CHN2: variants seen among roughly 807,000 people sequenced by gnomAD.
CHN2 encodes beta-chimaerin.
In CHN2, 35 loss-of-function variants were observed where a neutral mutation model predicts 56.3. That is an observed-to-expected ratio of 0.62 (90% CI 0.47 to 0.82). The LOEUF is 0.82. CHN2 is among the 40% of genes least tolerant of loss of function. The probability of loss-of-function intolerance (pLI) is 0.00; values close to 1 mark genes in which losing one functional copy is unlikely to be tolerated. For synonymous variants in CHN2, 210 were observed against 212.8 expected (o/e 0.99, Z 0.12); for missense variants, 491 against 580.5 (o/e 0.85, Z 1.58).
Position 29,298,917 on chromosome 7 carries a change from C to G in CHN2, c.50-55708C>G, listed in dbSNP as rs538823211. ...AGGACTAAGTTGTTTGCAAAATAGA[C>G]TTTAGTTTTATACTGGGCCTGATTA... On this transcript the variant is annotated intron_variant, in intron 1 of 12. Coordinates refer to ENST00000222792, the MANE Select transcript of CHN2 (RefSeq NM_004067.4). Among the ~76,000 whole-genome samples the G allele has an allele frequency of 3.7e-4, 57 of 152,214 alleles. 1 individual carries two copies. Among genetic ancestry groups the G allele is most frequent in the Non-Finnish European group, 6.3e-4 (43 of 68,012 alleles).
At chr7:29,351,629 T>C (rs1364182549) in intron 1 of CHN2, among the ~76,000 whole-genome samples, 3 of 152,086 alleles carry the variant, frequency 2.0e-5, no homozygotes, top group African/African-American at 7.2e-5. Flanking sequence ...CATGCAGCGA[T>C]CTATTGGAGG....
intron 1 of CHN2, among the ~76,000 whole-genome samples, chr7:29,327,334 G>GTTTT (rs1795886497): frequency 6.6e-6 from 1 of 152,186 alleles, no homozygotes; most frequent in Admixed American, 6.5e-5. Flanking sequence ...ATAAGGCTCA[G>GTTTT]GAGTTTGTGT....
chr7:29,328,775 C>A (rs1405040033), intron 1 of CHN2, among the ~76,000 whole-genome samples: 1 of 151,942 alleles, frequency 6.6e-6, no homozygotes, highest in Non-Finnish European at 1.5e-5. Flanking sequence ...TCTCCTTGTG[C>A]CTTATGCTGG....
chr7:29,264,726 T>C (rs1789973759), intron 1 of CHN2, among the ~76,000 whole-genome samples: 1 of 152,092 alleles, frequency 6.6e-6, no homozygotes, highest in South Asian at 2.1e-4. Flanking sequence ...TTGTTCACGT[T>C]TGTCTGCTGA....
intron 1 of CHN2, among the ~76,000 whole-genome samples, chr7:29,346,451 C>G (rs1797445727): frequency 6.6e-6 from 1 of 152,178 alleles, no homozygotes; most frequent in African/African-American, 2.4e-5. Flanking sequence ...CCTGTTTTCA[C>G]CCAACTTCCC....
chr7:29,425,558 C>T (rs1804777950), intron 6 of CHN2, among the ~76,000 whole-genome samples: 1 of 152,164 alleles, frequency 6.6e-6, no homozygotes. Context: ...TTCCACTTAT[C>T]TTATGGATCC....
At chr7:29,354,146 G>A (rs577550003) in intron 1 of CHN2, among the ~76,000 whole-genome samples, 3 of 152,288 alleles carry the variant, frequency 2.0e-5, no homozygotes, top group Admixed American at 6.5e-5. Flanking sequence ...CTGTCAGATC[G>A]AGTATTTTAG....
chr7:29,492,516 A>C (rs1788775859), intron 7 of CHN2, among the ~76,000 whole-genome samples: 1 of 150,546 alleles, frequency 6.6e-6, no homozygotes, highest in Admixed American at 6.6e-5. Context: ...GAGGATCATC[A>C]CTCCTTTGCT....
chr7:29,428,132 T>A (rs989715503), intron 6 of CHN2, among the ~76,000 whole-genome samples: 5 of 152,192 alleles, frequency 3.3e-5, no homozygotes. Context: ...TCACTTAATC[T>A]CTCTCTGCCT....
At chr7:29,188,332 A>G (rs1042106872) in intron 2 of CHN2, among the ~76,000 whole-genome samples, 5 of 152,218 alleles carry the variant, frequency 3.3e-5, no homozygotes, top group African/African-American at 1.2e-4. Flanking sequence ...CTAATAAATG[A>G]CAAGCTAGGA....
chr7:29,184,260 A>C (rs972355619), intron 2 of CHN2, among the ~76,000 whole-genome samples: 2 of 150,714 alleles, frequency 1.3e-5, no homozygotes, highest in Non-Finnish European at 3.0e-5. Context: ...TATATATAAG[A>C]TATATAGTGG....
intron 6 of CHN2, chr7:29,479,712 G>T (rs574537775): frequency 7.6e-5 from 82 of 1,082,294 alleles, no homozygotes; most frequent in Admixed American, 9.4e-5. Flanking sequence ...GTGTGCGCTG[G>T]TGTGTTTGAG....
At chr7:29,339,300 A>G (rs1796855622) in intron 1 of CHN2, among the ~76,000 whole-genome samples, 1 of 152,058 alleles carries the variant, frequency 6.6e-6, no homozygotes, top group Non-Finnish European at 1.5e-5. Flanking sequence ...GTGAAAACCA[A>G]ATCTCCCTAC....
At chr7:29,364,250 T>G (rs529558449) in intron 2 of CHN2, among the ~76,000 whole-genome samples, 1 of 152,356 alleles carries the variant, frequency 6.6e-6, no homozygotes, top group African/African-American at 2.4e-5. Flanking sequence ...CCATTCATCC[T>G]CAAAGCCTCC....
At chr7:29,481,449 G>T (rs939637133) in intron 7 of CHN2, among the ~76,000 whole-genome samples, 10 of 152,224 alleles carry the variant, frequency 6.6e-5, no homozygotes, top group African/African-American at 2.4e-4. Context: ...TGTTAGTTTG[G>T]TCTGTTTCCC....
chr7:29,220,332 G>C (rs1243643948), intron 1 of CHN2, among the ~76,000 whole-genome samples: 1 of 147,992 alleles, frequency 6.8e-6, no homozygotes, highest in Non-Finnish European at 1.5e-5. Flanking sequence ...TATAGAAGTA[G>C]GAAACGATAT....
chr7:29,180,871 A>C (rs904462998), intron 2 of CHN2, among the ~76,000 whole-genome samples: 10 of 152,234 alleles, frequency 6.6e-5, no homozygotes, highest in Non-Finnish European at 4.4e-5. Context: ...TATGGAGATA[A>C]TAAGCATGAC....
chr7:29,255,437 C>T (rs1434723669), intron 1 of CHN2, among the ~76,000 whole-genome samples: 1 of 152,188 alleles, frequency 6.6e-6, no homozygotes, highest in Non-Finnish European at 1.5e-5. Flanking sequence ...GAACACCCTC[C>T]ACACTGAGAA....
At chr7:29,256,278 A>G (rs3812367) in intron 1 of CHN2, among the ~76,000 whole-genome samples, 39,972 of 152,138 alleles carry the variant, frequency 0.26, 5,603 homozygotes, top group African/African-American at 0.36. Context: ...TCTATTTCAG[A>G]ATCACTGAAT....
Sources: gnomAD v4.1 joint callset for allele counts (sites outside exome capture counted in the v4.1 genomes callset) on GRCh38, gnomAD v4.1.1 for gene constraint, MANE v1.5 for transcripts, NCBI Gene and HGNC (gene_info 2026-07-23, HGNC 2026-07-21) for gene names.